CFAP45: variants seen among roughly 807,000 people sequenced by gnomAD.
CFAP45 encodes the protein cilia and flagella associated protein 45.
A neutral mutation model predicts 75.6 loss-of-function variants in CFAP45; 43 were observed. That is an observed-to-expected ratio of 0.57 (90% CI 0.45 to 0.73). CFAP45 has a LOEUF of 0.73. Ranked by LOEUF, CFAP45 falls within the 30% of genes least tolerant of loss-of-function variation. CFAP45 has a pLI of 0.00. For missense variants in CFAP45, 689 were observed against 701.5 expected (o/e 0.98, Z 0.20); for synonymous variants, 223 against 244.6 (o/e 0.91, Z 0.82).
At chr1:159,872,799 G>C in intron 11 of CFAP45, 145 bp downstream of exon 11, 1 of 855,670 alleles carries the variant, frequency 1.2e-6, no homozygotes, top group South Asian at 1.7e-5. Context: ...CCTTCAGAGG[G>C]ATGAGCCCTG....
intron 7 of CFAP45, among the ~76,000 whole-genome samples, chr1:159,881,528 T>G (rs990969608): frequency 6.6e-6 from 1 of 152,120 alleles, no homozygotes; most frequent in Non-Finnish European, 1.5e-5. Context: ...TCACACATCC[T>G]CTCTTCCCCA....
At position 159,896,586 on chromosome 1, in the gene CFAP45, G is replaced by C. The variant is rs1571191338; in HGVS notation, c.4-3281C>G. Among the ~76,000 whole-genome samples, 4 of 152,316 alleles carry C rather than the reference G, an allele frequency of 2.6e-5. No individual in the cohort carries two copies. The East Asian group carries it at 7.7e-4, about 29-fold the overall frequency. On this transcript the variant is annotated intron_variant, in intron 1 of 11. Transcript: ENST00000368099. ...AGTTCTTTAAGGAGGTGACGGGCTGGTTTTCTTCTTTGCATGACCAAATAA... is the reference window on the plus strand; with the variant it reads ...AGTTCTTTAAGGAGGTGACGGGCTGCTTTTCTTCTTTGCATGACCAAATAA...
intron 1 of CFAP45, among the ~76,000 whole-genome samples, chr1:159,895,013 A>G (rs1004922792): frequency 1.3e-5 from 2 of 152,104 alleles, no homozygotes; most frequent in African/African-American, 4.8e-5. Flanking sequence ...AGCTGCAGAA[A>G]CTTCTTTTGT....
intron 5 of CFAP45, among the ~76,000 whole-genome samples, 156 bp from the exon 6 acceptor site, chr1:159,886,845 C>A (rs1649700231): frequency 6.6e-6 from 1 of 152,164 alleles, no homozygotes; most frequent in Non-Finnish European, 1.5e-5. Flanking sequence ...ATTTACCTTT[C>A]CCCTTAATAT....
intron 6 of CFAP45, among the ~76,000 whole-genome samples, chr1:159,885,134 C>T (rs1295468122): frequency 1.3e-5 from 2 of 152,148 alleles, no homozygotes; most frequent in Non-Finnish European, 2.9e-5. Context: ...GAGCCACATT[C>T]AGATGGAGTG....
intron 1 of CFAP45, among the ~76,000 whole-genome samples, chr1:159,896,649 A>T (rs1649957547): frequency 6.6e-6 from 1 of 152,230 alleles, no homozygotes; most frequent in East Asian, 1.9e-4. Context: ...AAGGAGAAGC[A>T]CATCCAGTCC....
At chr1:159,876,091 T>C (rs1342707944) in intron 10 of CFAP45, among the ~76,000 whole-genome samples, 1 of 152,156 alleles carries the variant, frequency 6.6e-6, no homozygotes, top group African/African-American at 2.4e-5. Context: ...GCCCTGCATT[T>C]CTGTGCTTAA....
In CFAP45 at chr1:159,876,663, T is replaced by A; in HGVS notation, c.1245A>T (p.Glu415Asp). 1 of 1,614,170 alleles carries A rather than the reference T, an allele frequency of 6.2e-7. No homozygotes were observed. Among genetic ancestry groups the A allele is most frequent in the Non-Finnish European group, 8.5e-7 (1 of 1,180,020 alleles). Residue 415 changes from glutamate (E) to aspartate (D), a missense_variant, in exon 10 of 12, where the codon GAA (glutamate) becomes GAT (aspartate). Physicochemically the swap from Glu to Asp is conservative, Grantham distance 45 (BLOSUM62 2). Transcript: ENST00000368099. ...KEKENARKKM[E>D]TEAELRKSRL... ...GACTTTTTCGCAGCTCAGCCTCTGTTTCCATCTTCTTCCGCGCATTTTCCT... is the reference window on the plus strand; with the variant it reads ...GACTTTTTCGCAGCTCAGCCTCTGTATCCATCTTCTTCCGCGCATTTTCCT...
intron 7 of CFAP45, among the ~76,000 whole-genome samples, chr1:159,883,999 T>G (rs892831580): frequency 3.9e-5 from 6 of 152,208 alleles, no homozygotes; most frequent in Admixed American, 2.0e-4. Flanking sequence ...ACAACACAGT[T>G]AATGGCAATG....
In CFAP45 at chr1:159,872,461, T is replaced by C; in HGVS notation, c.*24A>G. 1.2e-6 allele frequency: 2 copies of C among 1,602,316 alleles called. No homozygotes were observed. The highest frequency in any genetic ancestry group is 1.1e-5 in the South Asian group (1 of 90,868). ...GGGCAGAATCTGTCCCCCGAAGGCA[T>C]CCTGAGGGCCACGAAGGCTCCCCTC... On this transcript the variant is annotated 3_prime_UTR_variant, in exon 12 of 12. Coordinates refer to ENST00000368099, the MANE Select transcript of CFAP45 (RefSeq NM_012337.3).
rs372255531 is a variant in CFAP45, at chr1:159,873,040, A to G, written c.1481T>C (p.Ile494Thr). 8.1e-6 allele frequency: 13 copies of G among 1,614,216 alleles called. No individual in the cohort carries two copies. Among genetic ancestry groups the G allele is most frequent in the Admixed American group, 1.7e-5 (1 of 60,024 alleles). The change falls in exon 11 of 12, where the codon ATT (isoleucine) becomes ACT (threonine). Residue 494 changes from isoleucine to threonine, a missense_variant. Transcript: ENST00000368099. ...ENQQKEVQNR[I>T]ATFEEGRRLK... ...GCGCCGGCCCTCCTCAAAGGTGGCA[A>G]TCCGGTTCTGCACTTCCTTCTGCTG...
At chr1:159,886,340 TAAA>T (rs11303028) in intron 6 of CFAP45, among the ~76,000 whole-genome samples, 168 bp downstream of exon 6, 1 of 141,634 alleles carries the variant, frequency 7.1e-6, no homozygotes, top group Non-Finnish European at 1.6e-5. Context: ...AGACTCCCTC[TAAA>T]AAAAAAAAAA....
At position 159,890,841 on chromosome 1, in the gene CFAP45, C is replaced by T. The variant is rs371868865; in HGVS notation, c.130-219G>A. ...TGGCACGATCTTGGCTCACTACAAC[C>T]GCCACCTCCCGGGTTCAAGCAATTC... is the stretch of plus-strand genomic sequence containing the variant. On this transcript the variant is annotated intron_variant, in intron 2 of 11. Coordinates refer to ENST00000368099, the MANE Select transcript of CFAP45 (RefSeq NM_012337.3). Among the ~76,000 whole-genome samples the T allele has an allele frequency of 3.3e-4, 50 of 150,616 alleles. 2 individuals are homozygous for T. The South Asian group carries it at 9.5e-3, about 29-fold the overall frequency.
At chr1:159,879,025 G>A (rs946159521) in intron 8 of CFAP45, among the ~76,000 whole-genome samples, 5 of 152,130 alleles carry the variant, frequency 3.3e-5, no homozygotes, top group Non-Finnish European at 7.4e-5. Flanking sequence ...AGATACTTAC[G>A]GTGGACTGTG....
chr1:159,877,654 A>C (rs1649434989), intron 8 of CFAP45, among the ~76,000 whole-genome samples, 192 bp from the exon 9 acceptor site: 1 of 152,140 alleles, frequency 6.6e-6, no homozygotes, highest in Admixed American at 6.5e-5. Context: ...AGGCAGGAGG[A>C]CCACTTGAGC....
At chr1:159,899,119 C>A (rs1472234471) in intron 1 of CFAP45, among the ~76,000 whole-genome samples, 1 of 152,166 alleles carries the variant, frequency 6.6e-6, no homozygotes, top group African/African-American at 2.4e-5. Flanking sequence ...CCAACACACT[C>A]AAGCCCAGGC....
Position 159,880,544 on chromosome 1 carries a change from A to C in CFAP45, c.1044+10T>G, listed in dbSNP as rs1409390738. On this transcript the variant is annotated intron_variant, in intron 8 of 11. Transcript: ENST00000368099. Reference sequence around the variant, plus strand: ...TTCCTAACCAAAGGTCCCAGAAACCAAGTCCCTACCATCTTCTTCTTGGTA... The same window carrying C: ...TTCCTAACCAAAGGTCCCAGAAACCCAGTCCCTACCATCTTCTTCTTGGTA... 2.5e-6 allele frequency: 4 copies of C among 1,610,502 alleles called. No individual in the cohort carries two copies. Among genetic ancestry groups the C allele is most frequent in the Non-Finnish European group, 3.4e-6 (4 of 1,178,190 alleles).
At chr1:159,897,232 C>T (rs1649972205) in intron 1 of CFAP45, among the ~76,000 whole-genome samples, 1 of 151,906 alleles carries the variant, frequency 6.6e-6, no homozygotes, top group Non-Finnish European at 1.5e-5. Flanking sequence ...CCACTGCACT[C>T]CAGCCTGGGT....
intron 8 of CFAP45, among the ~76,000 whole-genome samples, chr1:159,878,915 G>A (rs922527124): frequency 6.6e-6 from 1 of 152,034 alleles, no homozygotes; most frequent in Non-Finnish European, 1.5e-5. Context: ...GGGAACTCTG[G>A]GTGTTTCTAC....
Sources: gnomAD v4.1 joint callset for allele counts (sites outside exome capture counted in the v4.1 genomes callset) on GRCh38, gnomAD v4.1.1 for gene constraint, MANE v1.5 for transcripts, NCBI Gene and HGNC (gene_info 2026-07-23, HGNC 2026-07-21) for gene names.